The following SMARCA5 variants were observed in gnomAD, a reference collection of about 807,000 sequenced individuals.
SMARCA5 encodes the protein SNF2 related chromatin remodeling ATPase 5, also known as SWI/SNF-related matrix-associated actin-dependent regulator of chromatin subfamily A member 5.
Under a neutral mutation model 140.4 loss-of-function variants are expected in SMARCA5, and 18 were observed. The observed-to-expected ratio is 0.13, with a 90% CI of 0.09 to 0.19. The LOEUF (loss-of-function observed/expected upper bound fraction) is 0.19. Ranked by LOEUF, SMARCA5 falls within the 10% of genes least tolerant of loss-of-function variation. SMARCA5 has a pLI of 1.00. For missense variants in SMARCA5, 606 were observed against 1,276.8 expected, an observed-to-expected ratio of 0.47 and a Z score of 8.01; for synonymous variants, 449 against 419.6, an observed-to-expected ratio of 1.07 and a Z score of -0.86.
intron 4 of SMARCA5, 38 bp downstream of exon 4, chr4:143,524,505 C>A: frequency 7.6e-7 from 1 of 1,313,516 alleles, no homozygotes; most frequent in South Asian, 1.2e-5. Flanking sequence ...AAAAATTGCC[C>A]TTTGAGATCT....
intron 1 of SMARCA5, 77 bp from the exon 2 acceptor site, chr4:143,517,278 T>G: frequency 1.0e-6 from 1 of 969,842 alleles, no homozygotes; most frequent in Non-Finnish European, 1.5e-6. Context: ...AAGATGTGTT[T>G]TGGTCAGAAA....
intron 8 of SMARCA5, among the ~76,000 whole-genome samples, 183 bp downstream of exon 8, chr4:143,528,897 T>C (rs184181305): frequency 6.6e-6 from 1 of 152,284 alleles, no homozygotes; most frequent in East Asian, 1.9e-4. Flanking sequence ...GAATTTACTT[T>C]TGTGCCTTTG....
In SMARCA5 at chr4:143,527,298, A is replaced by G. The variant is rs193045955; in HGVS notation, c.802-570A>G. On this transcript the variant is annotated intron_variant, in intron 6 of 23. Transcript: ENST00000283131. Reference sequence around the variant, plus strand: ...CTTGTTTTTTATTTCCTCTTCATTTACCTGTGAGTGATAAGTCTATATTTT... The same window carrying G: ...CTTGTTTTTTATTTCCTCTTCATTTGCCTGTGAGTGATAAGTCTATATTTT... Among the ~76,000 whole-genome samples the G allele has an allele frequency of 3.3e-5, 5 of 152,248 alleles. No homozygotes were observed. The East Asian group carries it at 9.7e-4, about 29-fold the overall frequency.
intron 5 of SMARCA5, 52 bp downstream of exon 5, chr4:143,525,603 T>TA (rs1737052603): frequency 8.2e-7 from 1 of 1,212,972 alleles, no homozygotes; most frequent in African/African-American, 1.5e-5. Context: ...GAAAATATCT[T>TA]ATACGTTGAT....
chr4:143,543,453 T>C (rs1737468726), intron 14 of SMARCA5, 56 bp from the exon 15 acceptor site: 2 of 1,435,098 alleles, frequency 1.4e-6, no homozygotes, highest in Admixed American at 4.3e-5. Flanking sequence ...AAGTTTCAAG[T>C]TTCCAGTAAA....
chr4:143,517,141 G>A (rs1042044995), intron 1 of SMARCA5, among the ~76,000 whole-genome samples: 2 of 152,170 alleles, frequency 1.3e-5, no homozygotes, highest in Non-Finnish European at 2.9e-5. Flanking sequence ...CAACCATACA[G>A]TTTATATATA....
At chr4:143,525,881 A>G (rs560009989) in intron 5 of SMARCA5, among the ~76,000 whole-genome samples, 1 of 152,348 alleles carries the variant, frequency 6.6e-6, no homozygotes, top group Non-Finnish European at 1.5e-5. Context: ...TCCAGGTGGT[A>G]GCTTGTACAA....
rs1364758612 is a variant in SMARCA5 at position 143,514,016 on chromosome 4, G to A, written c.92G>A (p.Ser31Asn). 1 of 1,553,030 alleles carries A rather than the reference G, an allele frequency of 6.4e-7. No individual in the cohort carries two copies. Among genetic ancestry groups the A allele is most frequent in the East Asian group, 2.4e-5 (1 of 41,838 alleles). ...TCGATCGCCAGCGGCGGGAGCAACAGCAGCAACAAAGGCGGCCCCGAAGGC... is the reference window on the plus strand; with the variant it reads ...TCGATCGCCAGCGGCGGGAGCAACAACAGCAACAAAGGCGGCCCCGAAGGC... ...AASIASGGSN[S>N]SNKGGPEGVA... Residue 31 changes from serine (S) to asparagine (N), a missense_variant, in exon 1 of 24, where the codon AGC (serine) becomes AAC (asparagine). Physicochemically the swap from Ser to Asn is conservative, Grantham distance 46. Transcript: ENST00000283131.
rs1367865417 is a variant in SMARCA5, at chr4:143,533,498, C to A, written c.1159-1357C>A. 3.9e-5 allele frequency among the ~76,000 whole-genome samples: 5 copies of A among 127,548 alleles called. No individual in the cohort carries two copies. In the East Asian group the frequency reaches 1.0e-3, roughly 26 times the overall value. The allele number at this position is 127,548 out of a possible 152,430, so 83.7% of individuals were successfully genotyped here. On this transcript the variant is annotated intron_variant, in intron 9 of 23. Transcript: ENST00000283131. Reference sequence around the variant, plus strand: ...GATCTTAATGAGACCCTTGTCCATTCTTTTTTTTTTTTTTTTTTTTTTTTT... The same window carrying A: ...GATCTTAATGAGACCCTTGTCCATTATTTTTTTTTTTTTTTTTTTTTTTTT...
intron 3 of SMARCA5, among the ~76,000 whole-genome samples, chr4:143,524,129 A>G (rs1737021699): frequency 6.6e-6 from 1 of 152,114 alleles, no homozygotes; most frequent in Non-Finnish European, 1.5e-5. Flanking sequence ...ATTTGAGTTT[A>G]TTGGGTTCTG....
intron 14 of SMARCA5, 88 bp from the exon 15 acceptor site, chr4:143,543,421 A>T: frequency 2.0e-6 from 2 of 999,268 alleles, no homozygotes; most frequent in Non-Finnish European, 2.9e-6. Flanking sequence ...ATAAAATTAT[A>T]AAGCATTAAA....
chr4:143,529,827 T>C (rs1737149760), intron 8 of SMARCA5, among the ~76,000 whole-genome samples: 1 of 152,232 alleles, frequency 6.6e-6, no homozygotes, highest in Admixed American at 6.5e-5. Flanking sequence ...AAAGCAATTT[T>C]AGCTTCGATT....
chr4:143,524,065 A>G (rs1287160837), intron 3 of SMARCA5, among the ~76,000 whole-genome samples: 1 of 152,188 alleles, frequency 6.6e-6, no homozygotes, highest in East Asian at 1.9e-4. Flanking sequence ...GTACACTTTA[A>G]AATTCAAATA....
chr4:143,526,548 T>C, intron 6 of SMARCA5, 88 bp downstream of exon 6: 1 of 819,048 alleles, frequency 1.2e-6, no homozygotes, highest in Admixed American at 2.3e-5. Context: ...GAAGGATAAA[T>C]GAGACGGGAT....
At chr4:143,542,886 A>G (rs1485199473) in intron 14 of SMARCA5, among the ~76,000 whole-genome samples, 1 of 152,220 alleles carries the variant, frequency 6.6e-6, no homozygotes, top group East Asian at 1.9e-4. Flanking sequence ...AAGCTGAGAC[A>G]GGAGAATGGC....
chr4:143,538,467 T>C lies in SMARCA5; in HGVS notation c.1496-123T>C. On this transcript the variant is annotated intron_variant, in intron 11 of 23. Coordinates refer to ENST00000283131, the MANE Select transcript of SMARCA5 (RefSeq NM_003601.4). The stretch of plus-strand genomic sequence containing the variant: ...TTGGATAATAATGTGTAGATTTTTT[T>C]CCCCCTTGTAACCAAGTAGGTAGCT... 9.5e-6 allele frequency: 7 copies of C among 735,892 alleles called. No homozygotes were observed. The South Asian group carries it at 1.1e-4, about 11-fold the overall frequency. The allele number at this position is 735,892 out of a possible 1,614,324, so 45.6% of individuals were successfully genotyped here. A position where few individuals can be genotyped will look rare whatever the true frequency, so the allele number is the denominator to read the frequency against.
chr4:143,555,028 C>T lies in SMARCA5; in HGVS notation c.*1844C>T. The T allele has an allele frequency of 3.8e-6, 2 of 526,046 alleles. No homozygotes were observed. Among genetic ancestry groups the T allele is most frequent in the Non-Finnish European group, 7.2e-6 (2 of 276,024 alleles). The allele number at this position is 526,046 out of a possible 1,614,324, so 32.6% of individuals were successfully genotyped here. A position where few individuals can be genotyped will look rare whatever the true frequency, so the allele number is the denominator to read the frequency against. The stretch of plus-strand genomic sequence containing the variant: ...CAAATCTGTTTTAACCTGTCACTTC[C>T]CTGTCACTTCTCTGGCTTTCCTCTC... On this transcript the variant is annotated 3_prime_UTR_variant, in exon 24 of 24. Coordinates refer to ENST00000283131, the MANE Select transcript of SMARCA5 (RefSeq NM_003601.4).
chr4:143,536,772 T>C, intron 11 of SMARCA5, 94 bp downstream of exon 11: 1 of 842,844 alleles, frequency 1.2e-6, no homozygotes, highest in Non-Finnish European at 1.9e-6. Context: ...GCTCTGATGC[T>C]TTCCAAGGTT....
intron 7 of SMARCA5, among the ~76,000 whole-genome samples, chr4:143,528,279 C>T (rs1021690782): frequency 6.6e-6 from 1 of 152,090 alleles, no homozygotes; most frequent in Non-Finnish European, 1.5e-5. Flanking sequence ...GTGGTGTTCC[C>T]CTCCCTGTGT....
Sources: gnomAD v4.1 joint callset for allele counts (sites outside exome capture counted in the v4.1 genomes callset) on GRCh38, gnomAD v4.1.1 for gene constraint, MANE v1.5 for transcripts, NCBI Gene and HGNC (gene_info 2026-07-23, HGNC 2026-07-21) for gene names.